The following SLC35F3 variants were observed in gnomAD, a reference collection of about 807,000 sequenced individuals.
SLC35F3 encodes the protein putative thiamine transporter SLC35F3.
A neutral mutation model predicts 49.9 loss-of-function variants in SLC35F3; 25 were observed. The ratio of observed to expected loss-of-function variants is 0.50; its 90% confidence interval spans 0.37 to 0.70. SLC35F3 has a LOEUF of 0.70. SLC35F3 is among the 30% of genes least tolerant of loss of function. The probability of loss-of-function intolerance (pLI) is 0.00; values close to 1 mark genes in which losing one functional copy is unlikely to be tolerated. For synonymous variants in SLC35F3, 275 were observed against 265.4 expected (o/e 1.04, Z -0.35); for missense variants, 525 against 639.8 (o/e 0.82, Z 1.94).
intron 2 of SLC35F3, among the ~76,000 whole-genome samples, chr1:234,166,864 A>G (rs1034679895): frequency 3.9e-5 from 6 of 152,218 alleles, no homozygotes; most frequent in African/African-American, 1.4e-4. Context: ...TAGCAGTTTC[A>G]TGGGGTTAAC....
intron 3 of SLC35F3, among the ~76,000 whole-genome samples, chr1:234,253,349 A>T (rs975644353): frequency 2.0e-4 from 28 of 143,416 alleles, no homozygotes; most frequent in South Asian, 7.2e-4. Flanking sequence ...AATAATAATT[A>T]AAAAAAAAAC....
chr1:234,156,485 C>T (rs1036377617), intron 2 of SLC35F3, among the ~76,000 whole-genome samples: 1 of 152,020 alleles, frequency 6.6e-6, no homozygotes. Flanking sequence ...GATGAGGAGT[C>T]GTAACTGTCA....
At chr1:234,143,957 C>T (rs1665957766) in intron 2 of SLC35F3, among the ~76,000 whole-genome samples, 1 of 151,926 alleles carries the variant, frequency 6.6e-6, no homozygotes, top group Admixed American at 6.6e-5. Flanking sequence ...GAGCAGTGCC[C>T]CTAGGGATAT....
chr1:234,117,813 C>G (rs12724082), intron 2 of SLC35F3, among the ~76,000 whole-genome samples: 50,638 of 144,318 alleles, frequency 0.35, 10,044 homozygotes, highest in East Asian at 0.82. Context: ...GTGAACCCGG[C>G]AGGCGGAGCT....
At chr1:233,960,423 A>C (rs1662776062) in intron 2 of SLC35F3, among the ~76,000 whole-genome samples, 1 of 152,202 alleles carries the variant, frequency 6.6e-6, no homozygotes, top group Non-Finnish European at 1.5e-5. Context: ...ACCCCGTGTC[A>C]GTTTAAAACA....
In SLC35F3 at chr1:234,323,022, A is replaced by G; in HGVS notation, c.1252A>G (p.Thr418Ala). The G allele has an allele frequency of 6.2e-7, 1 of 1,613,706 alleles. No homozygotes were observed. The highest frequency in any genetic ancestry group is 1.1e-5 in the South Asian group (1 of 91,050). The change falls in exon 8 of 8, where the codon ACC (threonine) becomes GCC (alanine). Residue 418 changes from threonine to alanine, a missense_variant. Transcript: ENST00000366618. This position sits in a 1 kb window ranked among gnomAD's most constrained non-coding sequence, Gnocchi z 4.5. ...GTCTCCCACAGTGATTGATCACTAC[A>G]CCAGTCAGATCGTCTTCAATGGGGT... ...IPVNAVIDHY[T>A]SQIVFNGVRV...
At chr1:234,308,570 C>T (rs944593321) in intron 3 of SLC35F3, among the ~76,000 whole-genome samples, 4 of 149,346 alleles carry the variant, frequency 2.7e-5, no homozygotes, top group Non-Finnish European at 5.9e-5. Flanking sequence ...GATTAGACAC[C>T]CTGTCTTCCC....
rs528177123 is a variant in SLC35F3 at position 234,141,416 on chromosome 1, C to T, written c.284-90001C>T. Among the ~76,000 whole-genome samples, 31 of 152,146 alleles carry T rather than the reference C, an allele frequency of 2.0e-4. 1 individual carries two copies. In the South Asian group the frequency reaches 6.4e-3, roughly 32 times the overall value. ...ACTTTACTAAGGGTTAATTGGTATA[C>T]AAAAAGTTTCACATATTTCGTACAT... On this transcript the variant is annotated intron_variant, in intron 2 of 7. Transcript: ENST00000366618.
At chr1:233,978,972 G>T (rs964846572) in intron 2 of SLC35F3, among the ~76,000 whole-genome samples, 1 of 151,746 alleles carries the variant, frequency 6.6e-6, no homozygotes, top group African/African-American at 2.4e-5. Flanking sequence ...GGAGGCAGAG[G>T]TTGCAGTGAG....
chr1:234,196,264 C>T lies in SLC35F3; in HGVS notation c.284-35153C>T, dbSNP rs186384426. On this transcript the variant is annotated intron_variant, in intron 2 of 7. Transcript: ENST00000366618. The stretch of plus-strand genomic sequence containing the variant: ...ACTCCTCTTTTCCAAGAAATTTCTG[C>T]GTAATCTTCCCCTTAATTTGCATGT... Among the ~76,000 whole-genome samples, 173 of 152,302 alleles carry T rather than the reference C, an allele frequency of 1.1e-3. 1 individual carries two copies. Among genetic ancestry groups the T allele is most frequent in the African/African-American group, 3.7e-3 (152 of 41,556 alleles).
rs188964907 is a variant in SLC35F3 at position 233,927,030 on chromosome 1, C to T, written c.283+21272C>T. On this transcript the variant is annotated intron_variant, in intron 2 of 7. Coordinates refer to ENST00000366618, the MANE Select transcript of SLC35F3 (RefSeq NM_173508.4). ...CTGGTAGGCAGCTTTTTCAAATTGGCTTCTTTCACTTAGTAACATGTACTT... is the reference window on the plus strand; with the variant it reads ...CTGGTAGGCAGCTTTTTCAAATTGGTTTCTTTCACTTAGTAACATGTACTT... 5.5e-4 allele frequency among the ~76,000 whole-genome samples: 83 copies of T among 152,284 alleles called. 2 individuals are homozygous for T. The highest frequency in any genetic ancestry group is 1.0e-4 in the Non-Finnish European group (7 of 68,028).
intron 2 of SLC35F3, among the ~76,000 whole-genome samples, chr1:233,989,631 A>G (rs1025521180): frequency 1.3e-5 from 2 of 152,182 alleles, no homozygotes; most frequent in African/African-American, 2.4e-5. Context: ...TATTTCTAGT[A>G]TTATATGAAT....
chr1:234,222,439 G>C (rs1290834045), intron 2 of SLC35F3, among the ~76,000 whole-genome samples: 1 of 152,190 alleles, frequency 6.6e-6, no homozygotes, highest in Admixed American at 6.5e-5. Flanking sequence ...AGTTATGTTT[G>C]AGAAAACGGT....
At chr1:234,156,442 G>C (rs115835251) in intron 2 of SLC35F3, among the ~76,000 whole-genome samples, 116 of 152,232 alleles carry the variant, frequency 7.6e-4, no homozygotes, top group African/African-American at 2.5e-3. Context: ...GCACAAAAAC[G>C]TTCAGGATTA....
At chr1:234,138,844 C>T (rs1391687259) in intron 2 of SLC35F3, among the ~76,000 whole-genome samples, 1 of 152,186 alleles carries the variant, frequency 6.6e-6, no homozygotes, top group Non-Finnish European at 1.5e-5. Context: ...AGAGCCACTG[C>T]CCCTGGCCTT....
chr1:234,218,105 A>G (rs1667150628), intron 2 of SLC35F3, among the ~76,000 whole-genome samples: 1 of 152,206 alleles, frequency 6.6e-6, no homozygotes, highest in African/African-American at 2.4e-5. Flanking sequence ...TGTCATGTCT[A>G]AAAACATACC....
intron 2 of SLC35F3, among the ~76,000 whole-genome samples, chr1:234,011,960 G>T (rs188323718): frequency 7.4e-4 from 112 of 152,204 alleles, no homozygotes; most frequent in African/African-American, 2.6e-3. Flanking sequence ...ACCTGCACGG[G>T]CACCGGTCTC....
At chr1:234,051,643 C>A (rs1664379190) in intron 2 of SLC35F3, among the ~76,000 whole-genome samples, 2 of 152,248 alleles carry the variant, frequency 1.3e-5, no homozygotes, top group South Asian at 4.1e-4. Flanking sequence ...CTTTCTCCTG[C>A]CTGATTACCC....
intron 2 of SLC35F3, among the ~76,000 whole-genome samples, chr1:234,201,809 A>G (rs1666903262): frequency 6.6e-6 from 1 of 152,102 alleles, no homozygotes; most frequent in Non-Finnish European, 1.5e-5. Context: ...TAGTTTTACA[A>G]AAAGCAATGG....
Sources: allele counts gnomAD v4.1 joint callset (sites outside exome capture counted in the v4.1 genomes callset), GRCh38; gene constraint gnomAD v4.1.1; non-coding constraint Gnocchi (gnomAD v3.1); transcripts MANE v1.5; gene names NCBI Gene and HGNC (gene_info 2026-07-23, HGNC 2026-07-21).